KMT2D: variants seen among roughly 807,000 people sequenced by gnomAD.
KMT2D encodes lysine methyltransferase 2D, also known as histone-lysine N-methyltransferase 2D.
KMT2D carries 55 observed loss-of-function variants against 512.7 expected under a neutral mutation model. That is an observed-to-expected ratio of 0.11 (90% confidence interval 0.09 to 0.13). The LOEUF is 0.13. KMT2D is among the 10% of genes least tolerant of loss of function. KMT2D has a pLI of 1.00. For missense variants in KMT2D, 6,061 were observed against 7,127.9 expected (o/e 0.85, Z 5.39); for synonymous variants, 2,995 against 2,904.0 (o/e 1.03, Z -1.01).
Position 49,039,348 on chromosome 12 carries a change from C to T in KMT2D, c.8240G>A (p.Ser2747Asn). ...TPFAGTQDKSSLVGLPPSKLS... is the reference protein window; with the variant it reads ...TPFAGTQDKSNLVGLPPSKLS... ...CTTGCTTGGGGGCAACCCCACAAGG[C>T]TGCTCTTGTCCTAGAAGAGACAAGG... Residue 2747 changes from serine (S) to asparagine (N), a missense_variant, in exon 34 of 55, where the codon AGC (serine) becomes AAC (asparagine). By Grantham distance (46) the Ser-to-Asn change is conservative. Around this residue, in one of 16 missense-constraint regions of KMT2D, gnomAD observed 527 missense variants for 578.9 expected, o/e 0.91. Coordinates refer to ENST00000301067, the MANE Select transcript of KMT2D (RefSeq NM_003482.4). The surrounding 1 kb of genome is among the most constrained non-coding windows in gnomAD (Gnocchi z 5.0). 1.2e-6 allele frequency: 2 copies of T among 1,612,970 alleles called. No individual in the cohort carries two copies. Among genetic ancestry groups the T allele is most frequent in the Non-Finnish European group, 1.7e-6 (2 of 1,179,472 alleles).
intron 36 of KMT2D, 32 bp downstream of exon 36, chr12:49,034,780 A>G (rs2120459626): frequency 6.2e-7 from 1 of 1,607,886 alleles, no homozygotes. Flanking sequence ...GGGAAAGAAA[A>G]GGGCCAACCC....
rs1943451390 is a variant in KMT2D, at chr12:49,040,368, T to C, written c.7402A>G (p.Lys2468Glu). Residue 2468 changes from lysine (K) to glutamate (E), a missense_variant, in exon 32 of 55, where the codon AAG becomes GAG. Around this residue, in one of 16 missense-constraint regions of KMT2D, gnomAD observed 710 missense variants for 647.3 expected, o/e 1.10. Coordinates refer to ENST00000301067, the MANE Select transcript of KMT2D (RefSeq NM_003482.4). ...TCAGGGGGCTGGGGTCGGGGTGGCT[T>C]ATGCAATGGGGCAAATGGGTCACGG... is the stretch of plus-strand genomic sequence containing the variant. Reference protein sequence around the residue: ...QSRDPFAPLHKPPRPQPPEVA... With the variant: ...QSRDPFAPLHEPPRPQPPEVA... 3.8e-6 allele frequency: 6 copies of C among 1,565,344 alleles called. No homozygotes were observed. Among genetic ancestry groups the C allele is most frequent in the Non-Finnish European group, 4.3e-6 (5 of 1,155,200 alleles).
rs2120601532 is a variant in KMT2D at position 49,046,149 on chromosome 12, G to T, written c.4609C>A (p.Leu1537Ile). 1 of 1,611,390 alleles carries T rather than the reference G, an allele frequency of 6.2e-7. No homozygotes were observed. Among genetic ancestry groups the T allele is most frequent in the Admixed American group, 1.7e-5 (1 of 59,552 alleles). ...ERWMHAGCESLFTEDDVEQAA... is the reference protein window; with the variant it reads ...ERWMHAGCESIFTEDDVEQAA... ...TGCTCCACATCGTCCTCTGTGAAGA[G>T]GCTCTCACAGCCTGCATGCATCCAC... The change falls in exon 18 of 55, where the codon CTC becomes ATC. Residue 1537 changes from leucine (L) to isoleucine (I), a missense_variant. By Grantham distance (5) the Leu-to-Ile change is conservative. This residue lies in a region of KMT2D where 640 missense variants were observed against 814.3 expected (regional missense o/e 0.79). Coordinates refer to ENST00000301067, the MANE Select transcript of KMT2D (RefSeq NM_003482.4). This position sits in a 1 kb window ranked among gnomAD's most constrained non-coding sequence, Gnocchi z 4.2.
Position 49,039,806 on chromosome 12 carries a change from G to A in KMT2D, c.7964C>T (p.Ser2655Phe), listed in dbSNP as rs1226177022. The change falls in exon 32 of 55, where the codon TCT becomes TTT. Residue 2655 changes from serine (S) to phenylalanine (F), a missense_variant. Physicochemically the swap from Ser to Phe is radical, Grantham distance 155 (BLOSUM62 -2). This residue lies in a region of KMT2D where 527 missense variants were observed against 578.9 expected (regional missense o/e 0.91). Coordinates refer to ENST00000301067, the MANE Select transcript of KMT2D (RefSeq NM_003482.4). The surrounding 1 kb of genome is among the most constrained non-coding windows in gnomAD (Gnocchi z 5.0). Reference protein sequence around the residue: ...REDPGTGMGSSLATAELPGTQ... With the variant: ...REDPGTGMGSFLATAELPGTQ... Reference sequence around the variant, plus strand: ...ACCTGGGAGTTCAGCTGTCGCCAAAGAGCTACCCATTCCAGTCCCTGGGTC... The same window carrying A: ...ACCTGGGAGTTCAGCTGTCGCCAAAAAGCTACCCATTCCAGTCCCTGGGTC... 2 of 1,613,900 alleles carry A rather than the reference G, an allele frequency of 1.2e-6. No individual in the cohort carries two copies. Among genetic ancestry groups the A allele is most frequent in the Non-Finnish European group, 8.5e-7 (1 of 1,179,900 alleles).
Position 49,028,941 on chromosome 12 carries a change from G to T in KMT2D, c.14269C>A (p.Pro4757Thr). Residue 4757 changes from proline (P) to threonine (T), a missense_variant, in exon 46 of 55, where the codon CCT (proline) becomes ACT (threonine). Around this residue, in one of 16 missense-constraint regions of KMT2D, gnomAD observed 1,600 missense variants for 1,754.9 expected, o/e 0.91. Coordinates refer to ENST00000301067, the MANE Select transcript of KMT2D (RefSeq NM_003482.4). ...ACCTCCAGGCCAAGGGCCCCATAAG[G>T]TTTGGTATCTGGGAAGACTGAATGA... is the stretch of plus-strand genomic sequence containing the variant. ...ASIPVFPDTK[P>T]YGALGLEVPG... is the part of the protein sequence containing the mutation. 12 of 1,613,984 alleles carry T rather than the reference G, an allele frequency of 7.4e-6. No individual in the cohort carries two copies. The highest frequency in any genetic ancestry group is 1.0e-5 in the Non-Finnish European group (12 of 1,179,876).
chr12:49,021,913 AG>A, intron 54 of KMT2D, 41 bp from the exon 55 acceptor site: 1 of 1,577,142 alleles, frequency 6.3e-7, no homozygotes, highest in Non-Finnish European at 8.7e-7. Context: ...AGTCCCCCAC[AG>A]GAAGAGGGGA....
Position 49,041,712 on chromosome 12 carries a change from G to A in KMT2D, c.6184-7C>T. 1 of 1,609,306 alleles carries A rather than the reference G, an allele frequency of 6.2e-7. No homozygotes were observed. The highest frequency in any genetic ancestry group is 8.5e-7 in the Non-Finnish European group (1 of 1,177,590). ...GGTTATCTTTGGCCTTTTGCTGAGG[G>A]ATATGGGACACAGCCTTAGGGCCTA... On this transcript the variant is annotated splice_polypyrimidine_tract_variant and splice_region_variant and intron_variant, in intron 30 of 54. Coordinates refer to ENST00000301067, the MANE Select transcript of KMT2D (RefSeq NM_003482.4). This position sits in a 1 kb window ranked among gnomAD's most constrained non-coding sequence, Gnocchi z 5.4.
chr12:49,053,509 T>A lies in KMT2D; in HGVS notation c.806A>T (p.Gln269Leu). 1 of 1,608,974 alleles carries A rather than the reference T, an allele frequency of 6.2e-7. No homozygotes were observed. Among genetic ancestry groups the A allele is most frequent in the Non-Finnish European group, 8.5e-7 (1 of 1,177,510 alleles). The change falls in exon 7 of 55, where the codon CAG (glutamine) becomes CTG (leucine). Residue 269 changes from glutamine (Q) to leucine (L), a missense_variant. By Grantham distance (113) the Gln-to-Leu change is moderately radical. Coordinates refer to ENST00000301067, the MANE Select transcript of KMT2D (RefSeq NM_003482.4). ...ALTARKRAGWQCPECKVCQAC... is the reference protein window; with the variant it reads ...ALTARKRAGWLCPECKVCQAC... ...TTGGCACACTTTGCATTCAGGGCAC[T>A]GCCAGCCAGCACGTTTGCGGGCAGT...
intron 25 of KMT2D, 61 bp downstream of exon 25, chr12:49,043,302 C>G (rs1032037642): frequency 5.1e-5 from 80 of 1,573,760 alleles, no homozygotes; most frequent in Non-Finnish European, 6.0e-5. Flanking sequence ...CTCAGGGGCA[C>G]AGCAGAGGGA....
chr12:49,048,101 A>T, intron 14 of KMT2D, 32 bp from the exon 15 acceptor site: 1 of 1,437,458 alleles, frequency 7.0e-7, no homozygotes, highest in Admixed American at 1.7e-5. Flanking sequence ...CAAATGTCCA[A>T]CTAGATCTCC....
At chr12:49,043,243 G>A in intron 25 of KMT2D, 57 bp from the exon 26 acceptor site, 1 of 1,541,170 alleles carries the variant, frequency 6.5e-7, no homozygotes, top group East Asian at 2.2e-5. Flanking sequence ...TGGCCACTCT[G>A]AACCACAGAG....
chr12:49,038,326 A>G lies in KMT2D; in HGVS notation c.9030T>C (p.Ala3010=). The G allele has an allele frequency of 6.2e-7, 1 of 1,613,846 alleles. No homozygotes were observed. Among genetic ancestry groups the G allele is most frequent in the Non-Finnish European group, 8.5e-7 (1 of 1,179,878 alleles). The part of the protein sequence containing the change: ...HKALEDDEEL[A]HLGLGVDVAK... ...CCACATCCACACCCAGACCCAGGTG[A>G]GCAAGCTCTTCATCATCCTCTAGGG... Residue 3010 remains alanine, a synonymous_variant, in exon 35 of 55, where the codon GCT becomes GCC. Transcript: ENST00000301067. This position sits in a 1 kb window ranked among gnomAD's most constrained non-coding sequence, Gnocchi z 5.7.
rs1458891712 is a variant in KMT2D, at chr12:49,040,942, T to C, written c.6828A>G (p.Pro2276=). 1.2e-6 allele frequency: 2 copies of C among 1,613,138 alleles called. No individual in the cohort carries two copies. Among genetic ancestry groups the C allele is most frequent in the East Asian group, 4.5e-5 (2 of 44,834 alleles). The change falls in exon 32 of 55, where the codon CCA becomes CCG. Residue 2276 remains proline, a synonymous_variant. Transcript: ENST00000301067. ...GKASEPLLSP[P]PFGESRKALE... ...GGGCCTTCCGGGACTCCCCAAAAGG[T>C]GGGGGCGAGAGCAGGGGCTCGGAAG...
At chr12:49,059,549 A>G (rs1166321209) in intron 1 of KMT2D, 64 bp downstream of exon 1, 1 of 152,426 alleles carries the variant, frequency 6.6e-6, no homozygotes, top group Non-Finnish European at 1.5e-5. Context: ...CGGCTAAGAT[A>G]GTCCATCTGG....
rs1942491034 is a variant in KMT2D, at chr12:49,024,754, T to C, written c.15922-46A>G. 6.2e-7 allele frequency: 1 copy of C among 1,608,740 alleles called. No individual in the cohort carries two copies. The highest frequency in any genetic ancestry group is 2.2e-5 in the East Asian group (1 of 44,756). On this transcript the variant is annotated intron_variant, in intron 50 of 54. Transcript: ENST00000301067. The surrounding 1 kb of genome is among the most constrained non-coding windows in gnomAD (Gnocchi z 4.5). ...CACCTTAGCCTGAGTTTTTTTGGGG[T>C]TAGGCCAAAGTTCTCAGTGCCCGCC...
At chr12:49,023,093 G>A (rs1942404196) in intron 51 of KMT2D, among the ~76,000 whole-genome samples, 1 of 152,112 alleles carries the variant, frequency 6.6e-6, no homozygotes, top group Admixed American at 6.5e-5. Flanking sequence ...GACACCCTGG[G>A]TGGCACAGAG....
Position 49,060,651 on chromosome 12 carries a change from C to T in KMT2D, c.-1076G>A, listed in dbSNP as rs1938699529. Among the ~76,000 whole-genome samples the T allele has an allele frequency of 6.6e-6, 1 of 152,242 alleles. No individual in the cohort carries two copies. The highest frequency in any genetic ancestry group is 2.4e-5 in the African/African-American group (1 of 41,474). On this transcript the variant is annotated 5_prime_UTR_variant, in exon 1 of 55. Transcript: ENST00000301067. ...GGTGGTTCCTGCGAAGGGGCTATTT[C>T]CTGGCCCAAGAGCTGGGCAGCGGTC...
At chr12:49,057,517 C>A (rs1413051835) in intron 1 of KMT2D, among the ~76,000 whole-genome samples, 2 of 152,164 alleles carry the variant, frequency 1.3e-5, no homozygotes, top group African/African-American at 4.8e-5. Flanking sequence ...TAACATCCTC[C>A]AAAGCCAGAG....
chr12:49,052,291 T>C lies in KMT2D; in HGVS notation c.1392A>G (p.Ala464=), dbSNP rs1938112113. The change falls in exon 11 of 55, where the codon GCA becomes GCG. Residue 464 remains alanine, a synonymous_variant. Transcript: ENST00000301067. ...EESPTSPPPE[A]SRLSPPPEEL... is the part of the protein sequence containing the mutation. ...CCTCAGGTGGTGGTGACAGGCGTGA[T>C]GCCTCAGGTGGTGGGGACGTGGGTG... 7 of 1,594,386 alleles carry C rather than the reference T, an allele frequency of 4.4e-6. No individual in the cohort carries two copies. The highest frequency in any genetic ancestry group is 6.0e-6 in the Non-Finnish European group (7 of 1,169,086).
Sources: gnomAD v4.1 joint callset for allele counts (sites outside exome capture counted in the v4.1 genomes callset) on GRCh38, gnomAD v4.1.1 for gene constraint, gnomAD v4.1.1 regional missense constraint, Gnocchi (gnomAD v3.1) non-coding constraint, MANE v1.5 for transcripts, NCBI Gene and HGNC (gene_info 2026-07-23, HGNC 2026-07-21) for gene names.